NR6A1: variants seen among roughly 807,000 people sequenced by gnomAD.
The protein encoded by NR6A1 is retinoic acid receptor-related testis-associated receptor.
In NR6A1, 7 loss-of-function variants were observed where a neutral mutation model predicts 59.1. The observed-to-expected ratio is 0.12, with a 90% CI of 0.07 to 0.22. The LOEUF (loss-of-function observed/expected upper bound fraction) is 0.22, where lower values mean the gene tolerates loss of function less well. Ranked by LOEUF, NR6A1 falls within the 10% of genes least tolerant of loss-of-function variation. NR6A1 has a pLI of 1.00. For synonymous variants in NR6A1, 243 were observed against 236.1 expected (o/e 1.03, Z -0.27); for missense variants, 468 against 611.6 (o/e 0.77, Z 2.48).
At chr9:124,561,159 G>T (rs1465392094) in intron 2 of NR6A1, among the ~76,000 whole-genome samples, 1 of 152,122 alleles carries the variant, frequency 6.6e-6, no homozygotes, top group African/African-American at 2.4e-5. Context: ...TGTGAGACCA[G>T]GCACAGTGGC....
At chr9:124,612,172 G>A (rs1259116722) in intron 2 of NR6A1, among the ~76,000 whole-genome samples, 1 of 152,172 alleles carries the variant, frequency 6.6e-6, no homozygotes, top group African/African-American at 2.4e-5. Context: ...ACTAAACAAG[G>A]AATTTAAAGC....
chr9:124,676,558 G>C (rs1223689369), intron 2 of NR6A1, among the ~76,000 whole-genome samples: 1 of 152,148 alleles, frequency 6.6e-6, no homozygotes, highest in Non-Finnish European at 1.5e-5. Flanking sequence ...TTAAGAAAGT[G>C]TTAGAAATTA....
At chr9:124,597,898 A>G (rs1203189746) in intron 2 of NR6A1, among the ~76,000 whole-genome samples, 2 of 152,262 alleles carry the variant, frequency 1.3e-5, no homozygotes, top group Middle Eastern at 3.4e-3. Context: ...GCTGGAGTGC[A>G]GTGGTGCAAT....
At chr9:124,538,353 T>C in intron 5 of NR6A1, 34 bp from the exon 6 acceptor site, 3 of 1,547,148 alleles carry the variant, frequency 1.9e-6, no homozygotes, top group South Asian at 1.1e-5. Context: ...AACAGAGCCA[T>C]GGCAAGTCTA....
intron 2 of NR6A1, among the ~76,000 whole-genome samples, chr9:124,610,978 C>T (rs1321494246): frequency 6.6e-6 from 1 of 152,134 alleles, no homozygotes; most frequent in Non-Finnish European, 1.5e-5. Flanking sequence ...TTCTGAATCT[C>T]AGGTTGGAGT....
chr9:124,675,066 T>C (rs1837913886), intron 2 of NR6A1, among the ~76,000 whole-genome samples: 1 of 152,220 alleles, frequency 6.6e-6, no homozygotes, highest in Non-Finnish European at 1.5e-5. Context: ...TCCTGCCTTA[T>C]ACTAGTCTTT....
intron 2 of NR6A1, among the ~76,000 whole-genome samples, chr9:124,705,660 A>G (rs1003004787): frequency 3.9e-5 from 6 of 152,196 alleles, no homozygotes; most frequent in African/African-American, 1.4e-4. Context: ...CACATTTAAT[A>G]TAACTACTGA....
chr9:124,729,241 C>T (rs533808993), intron 2 of NR6A1, among the ~76,000 whole-genome samples: 1 of 152,062 alleles, frequency 6.6e-6, no homozygotes, highest in East Asian at 1.9e-4. Flanking sequence ...TTATTGTGTT[C>T]ACATCATAGT....
chr9:124,758,220 T>A (rs561868920), intron 1 of NR6A1, among the ~76,000 whole-genome samples: 12 of 152,228 alleles, frequency 7.9e-5, no homozygotes, highest in Non-Finnish European at 1.6e-4. Context: ...AGTAAAATGA[T>A]TGATGAATAT....
chr9:124,719,919 A>G lies in NR6A1; in HGVS notation c.142+13389T>C, dbSNP rs542971501. Among the ~76,000 whole-genome samples the G allele has an allele frequency of 1.4e-4, 21 of 152,130 alleles. No homozygotes were observed. The East Asian group carries it at 3.9e-3, about 28-fold the overall frequency. On this transcript the variant is annotated intron_variant, in intron 2 of 9. Coordinates refer to ENST00000487099, the MANE Select transcript of NR6A1 (RefSeq NM_033334.4). ...CTGGGTGACAAAAGACCGTGTCCCC[A>G]ATCCATATAAAGAAGGCAGCCACTA...
At chr9:124,543,646 A>G (rs748990491) in intron 4 of NR6A1, among the ~76,000 whole-genome samples, 156 bp downstream of exon 4, 6 of 152,200 alleles carry the variant, frequency 3.9e-5, no homozygotes, top group Non-Finnish European at 7.3e-5. Context: ...TTTTCAAAGC[A>G]CTTTCACATC....
chr9:124,704,269 A>AC (rs1263067834), intron 2 of NR6A1, among the ~76,000 whole-genome samples: 1 of 152,158 alleles, frequency 6.6e-6, no homozygotes, highest in African/African-American at 2.4e-5. Context: ...TAGTCTTGGT[A>AC]GGGGTTTATC....
chr9:124,546,171 G>T (rs1431900647), intron 3 of NR6A1, among the ~76,000 whole-genome samples: 2 of 152,150 alleles, frequency 1.3e-5, no homozygotes, highest in African/African-American at 4.8e-5. Flanking sequence ...ATACGTATAT[G>T]ATAGAAATCT....
intron 2 of NR6A1, among the ~76,000 whole-genome samples, chr9:124,657,458 T>G (rs145959450): frequency 1.3e-5 from 2 of 152,082 alleles, no homozygotes; most frequent in African/African-American, 4.8e-5. Context: ...CCATGTAGAG[T>G]AGATTTCATA....
intron 2 of NR6A1, among the ~76,000 whole-genome samples, chr9:124,565,620 C>T (rs948263829): frequency 6.6e-5 from 10 of 152,016 alleles, no homozygotes; most frequent in Non-Finnish European, 8.8e-5. Context: ...ACATAAAACT[C>T]CTATATAAGA....
intron 2 of NR6A1, among the ~76,000 whole-genome samples, chr9:124,695,090 C>T (rs1195511232): frequency 6.6e-6 from 1 of 152,184 alleles, no homozygotes; most frequent in Non-Finnish European, 1.5e-5. Context: ...CTGCCCCCAT[C>T]CCACCACCAC....
chr9:124,556,271 TAGTAG>T (rs1433670863), intron 2 of NR6A1, among the ~76,000 whole-genome samples: 1 of 151,956 alleles, frequency 6.6e-6, no homozygotes, highest in Non-Finnish European at 1.5e-5. Flanking sequence ...CTGATAAAGA[TAGTAG>T]AGAAGAAGAA....
chr9:124,564,136 G>C (rs1834165023), intron 2 of NR6A1, among the ~76,000 whole-genome samples: 2 of 152,026 alleles, frequency 1.3e-5, no homozygotes, highest in Admixed American at 1.3e-4. Flanking sequence ...GCTATAAATA[G>C]TGCTTTAATT....
chr9:124,583,548 A>AG (rs1000336114), intron 2 of NR6A1, among the ~76,000 whole-genome samples: 1 of 152,134 alleles, frequency 6.6e-6, no homozygotes, highest in African/African-American at 2.4e-5. Context: ...CAGGAATGTG[A>AG]GGGGGGCTCT....
Sources: gnomAD v4.1 joint callset for allele counts (sites outside exome capture counted in the v4.1 genomes callset) on GRCh38, gnomAD v4.1.1 for gene constraint, MANE v1.5 for transcripts, NCBI Gene and HGNC (gene_info 2026-07-23, HGNC 2026-07-21) for gene names.